The following CYP4F2 variants were observed in gnomAD, a reference collection of about 807,000 sequenced individuals.
CYP4F2 encodes cytochrome P450 4F2.
A neutral mutation model predicts 58.9 loss-of-function variants in CYP4F2; 58 were observed. That is an observed-to-expected ratio of 0.98 (90% CI 0.80 to 1.23). CYP4F2 has a LOEUF of 1.23. CYP4F2 is among the 50% of genes most tolerant of loss of function. The probability of loss-of-function intolerance (pLI) is 0.00; values close to 1 mark genes in which losing one functional copy is unlikely to be tolerated. For missense variants in CYP4F2, 616 were observed against 685.6 expected (o/e 0.90, Z 1.13); for synonymous variants, 287 against 261.1 (o/e 1.10, Z -0.95).
At chr19:15,884,951 C>A (rs1224981582) in intron 9 of CYP4F2, among the ~76,000 whole-genome samples, 1 of 152,106 alleles carries the variant, frequency 6.6e-6, no homozygotes, top group Non-Finnish European at 1.5e-5. Context: ...TGCCATTGGG[C>A]TAAAACTGAA....
At chr19:15,894,628 G>A (rs921810103) in intron 3 of CYP4F2, among the ~76,000 whole-genome samples, 1 of 152,150 alleles carries the variant, frequency 6.6e-6, no homozygotes, top group Non-Finnish European at 1.5e-5. Flanking sequence ...ACCACACCAG[G>A]TTGGGTTTCC....
rs377513974 is a variant in CYP4F2, at chr19:15,878,939, A to C, written c.1398-3T>G. 138 of 1,612,510 alleles carry C rather than the reference A, an allele frequency of 8.6e-5. 1 individual carries two copies. The highest frequency in any genetic ancestry group is 2.5e-4 in the Admixed American group (15 of 59,966). ...CGAACGTCTGCCCGATGCAGTTCCT[A>C]GGGGAGGGAGGTGGGAACTCTGACT... On this transcript the variant is annotated splice_polypyrimidine_tract_variant and splice_region_variant and intron_variant, in intron 12 of 12. Coordinates refer to ENST00000221700, the MANE Select transcript of CYP4F2 (RefSeq NM_001082.5).
At chr19:15,884,162 T>A (rs1246295537) in intron 9 of CYP4F2, among the ~76,000 whole-genome samples, 1 of 152,032 alleles carries the variant, frequency 6.6e-6, no homozygotes, top group African/African-American at 2.4e-5. Context: ...CACAATGGAA[T>A]ACTATGCACC....
At chr19:15,889,364 C>A (rs1456887648) in intron 7 of CYP4F2, 59 bp downstream of exon 7, 1 of 1,610,602 alleles carries the variant, frequency 6.2e-7, no homozygotes, top group Non-Finnish European at 8.5e-7. Context: ...ATCCTTTCAT[C>A]TGACATTTCA....
At position 15,892,378 on chromosome 19, in the gene CYP4F2, C is replaced by A. The variant is rs370785925; in HGVS notation, c.456G>T (p.Thr152=). The A allele has an allele frequency of 1.2e-6, 2 of 1,614,038 alleles. No individual in the cohort carries two copies. Among genetic ancestry groups the A allele is most frequent in the African/African-American group, 2.7e-5 (2 of 74,882 alleles). Residue 152 remains threonine, a synonymous_variant, in exon 5 of 13, where the codon ACG becomes ACT. Transcript: ENST00000221700. ...TCAGGATGTTGAAATGGAAGGCAGG[C>A]GTCAGCATCCGACGGTGGCGGCTCC... The part of the protein sequence containing the change: ...DKWSRHRRML[T]PAFHFNILKP...
At chr19:15,885,216 T>C (rs2089370134) in intron 9 of CYP4F2, among the ~76,000 whole-genome samples, 1 of 151,998 alleles carries the variant, frequency 6.6e-6, no homozygotes. Flanking sequence ...CCCAATTATC[T>C]ACTGATCATT....
chr19:15,881,565 G>GGATAGATA (rs59240008), intron 9 of CYP4F2, among the ~76,000 whole-genome samples: 7,043 of 149,872 alleles, frequency 0.047, 171 homozygotes, highest in East Asian at 0.071. Context: ...GATAGATGAT[G>GGATAGATA]GATAGATAGA....
At chr19:15,890,284 A>C in intron 6 of CYP4F2, 28 bp downstream of exon 6, 1 of 1,613,718 alleles carries the variant, frequency 6.2e-7, no homozygotes, top group South Asian at 1.1e-5. Context: ...CCACAGCCCA[A>C]GATCCCAGAT....
rs774541629 is a variant in CYP4F2 at position 15,879,678 on chromosome 19, A to G, written c.1250-10T>C. The stretch of plus-strand genomic sequence containing the variant: ...ATGAGGCAGATAATGCCTGTGGGAG[A>G]GAAGGGAGCAGTCAGGAGAAGGCCT... On this transcript the variant is annotated splice_polypyrimidine_tract_variant and intron_variant, in intron 10 of 12. Transcript: ENST00000221700. 6.2e-7 allele frequency: 1 copy of G among 1,613,960 alleles called. No individual in the cohort carries two copies. The highest frequency in any genetic ancestry group is 8.5e-7 in the Non-Finnish European group (1 of 1,180,016).
chr19:15,890,036 G>A (rs577525292), intron 6 of CYP4F2, among the ~76,000 whole-genome samples: 51 of 152,218 alleles, frequency 3.4e-4, no homozygotes, highest in African/African-American at 1.2e-3. Context: ...CTGGTCCATG[G>A]TCTAGCTTTC....
At chr19:15,892,816 G>A (rs1209540648) in intron 3 of CYP4F2, among the ~76,000 whole-genome samples, 1 of 152,142 alleles carries the variant, frequency 6.6e-6, no homozygotes, top group African/African-American at 2.4e-5. Context: ...TAGGAGCTAT[G>A]TCAGGGTTCC....
intron 8 of CYP4F2, 71 bp from the exon 9 acceptor site, chr19:15,886,124 T>C (rs2089377715): frequency 5.6e-6 from 9 of 1,605,022 alleles, no homozygotes; most frequent in Admixed American, 1.7e-5. Context: ...CACCCATGCA[T>C]TGAGGGCCTC....
intron 9 of CYP4F2, among the ~76,000 whole-genome samples, chr19:15,884,994 C>CT (rs75726977): frequency 0.13 from 19,648 of 152,188 alleles, 1,489 homozygotes; most frequent in Non-Finnish European, 0.17. Flanking sequence ...CTTCCACAGC[C>CT]AGCCCCTGCT....
chr19:15,884,112 GAGGA>G (rs761300877), intron 9 of CYP4F2, among the ~76,000 whole-genome samples: 20 of 151,802 alleles, frequency 1.3e-4, no homozygotes, highest in African/African-American at 4.4e-4. Context: ...GGGAGGGAGG[GAGGA>G]AGGAAGGAAG....
intron 12 of CYP4F2, 82 bp downstream of exon 12, chr19:15,879,264 A>C (rs1310499949): frequency 6.6e-7 from 1 of 1,522,496 alleles, no homozygotes; most frequent in African/African-American, 1.4e-5. Flanking sequence ...GACCATCTAC[A>C]ATGTCCCCCT....
At chr19:15,885,732 T>C (rs1025642066) in intron 9 of CYP4F2, among the ~76,000 whole-genome samples, 192 bp downstream of exon 9, 2 of 152,164 alleles carry the variant, frequency 1.3e-5, no homozygotes, top group Non-Finnish European at 1.5e-5. Context: ...CCCAGGTCTT[T>C]CTGTCCTAAG....
intron 7 of CYP4F2, among the ~76,000 whole-genome samples, chr19:15,888,895 GAC>G (rs1322080632): frequency 2.0e-5 from 3 of 152,120 alleles, no homozygotes; most frequent in African/African-American, 7.2e-5. Context: ...CATAGACGCA[GAC>G]ACAGATATAC....
intron 9 of CYP4F2, among the ~76,000 whole-genome samples, chr19:15,884,687 C>T (rs1431264008): frequency 6.6e-6 from 1 of 152,084 alleles, no homozygotes; most frequent in Admixed American, 6.6e-5. Context: ...AATGTTTCTC[C>T]TCCTCACTGG....
At chr19:15,887,266 A>C (rs1418745216) in intron 7 of CYP4F2, among the ~76,000 whole-genome samples, 2 of 152,166 alleles carry the variant, frequency 1.3e-5, no homozygotes, top group African/African-American at 4.8e-5. Flanking sequence ...ATAGACACAG[A>C]TATAGACACA....
Sources: allele counts gnomAD v4.1 joint callset (sites outside exome capture counted in the v4.1 genomes callset), GRCh38; gene constraint gnomAD v4.1.1; transcripts MANE v1.5; gene names NCBI Gene and HGNC (gene_info 2026-07-23, HGNC 2026-07-21).